MKRN2OS: variants seen among roughly 807,000 people sequenced by gnomAD.
MKRN2OS encodes the protein MKRN2 opposite strand protein.
A neutral mutation model predicts 18.2 loss-of-function variants in MKRN2OS; 17 were observed. The ratio of observed to expected loss-of-function variants is 0.93; its 90% CI spans 0.64 to 1.40. The LOEUF is 1.40. Ranked by LOEUF, MKRN2OS falls within the 40% of genes most tolerant of loss-of-function variation. MKRN2OS has a pLI of 0.00. For missense variants in MKRN2OS, 337 were observed against 283.0 expected (o/e 1.19, Z -1.37); for synonymous variants, 121 against 108.5 (o/e 1.12, Z -0.72).
chr3:12,545,697 A>G, upstream of MKRN2OS: 1 of 371,878 alleles, frequency 2.7e-6, no homozygotes, highest in Admixed American at 4.6e-5. Flanking sequence ...GTAACTGATA[A>G]CTGCCAGCTC....
upstream of MKRN2OS, among the ~76,000 whole-genome samples, chr3:12,548,710 T>C (rs571085463): frequency 2.4e-4 from 37 of 152,286 alleles, no homozygotes; most frequent in Non-Finnish European, 5.3e-4. Context: ...ATTGAGAATA[T>C]AATCTTTCTG....
At chr3:12,545,049 C>G (rs1401924428) in intron 1 of MKRN2OS, among the ~76,000 whole-genome samples, 198 bp downstream of exon 1, 1 of 152,178 alleles carries the variant, frequency 6.6e-6, no homozygotes, top group Non-Finnish European at 1.5e-5. Context: ...TATTCTTGCA[C>G]TTGTCACTGC....
chr3:12,546,139 GA>G (rs536355537), upstream of MKRN2OS, among the ~76,000 whole-genome samples: 283 of 152,282 alleles, frequency 1.9e-3, 2 homozygotes, highest in African/African-American at 6.5e-3. Context: ...GTTAGTCTGT[GA>G]GCTTCTTGAA....
At chr3:12,549,654 C>T (rs1416666871), upstream of MKRN2OS, among the ~76,000 whole-genome samples, 2 of 152,136 alleles carry the variant, frequency 1.3e-5, no homozygotes, top group African/African-American at 4.8e-5. Context: ...CTCAAGGGAT[C>T]CTCCCACTTC....
At chr3:12,555,502 A>G (rs2057961605) in intron 1 of MKRN2OS, among the ~76,000 whole-genome samples, 2 of 152,296 alleles carry the variant, frequency 1.3e-5, no homozygotes, top group Admixed American at 1.3e-4. Context: ...TGGAAGACTC[A>G]ATATTTTTAT....
chr3:12,549,040 T>A (rs2057909154), upstream of MKRN2OS, among the ~76,000 whole-genome samples: 1 of 152,120 alleles, frequency 6.6e-6, no homozygotes, highest in Non-Finnish European at 1.5e-5. Context: ...GTTGAAGCGA[T>A]CCCTTTGCCT....
chr3:12,546,167 T>C (rs2057880908), upstream of MKRN2OS, among the ~76,000 whole-genome samples: 2 of 152,198 alleles, frequency 1.3e-5, 1 homozygote, highest in South Asian at 4.1e-4. Flanking sequence ...GACCTTTACT[T>C]TTGTGTTCCC....
chr3:12,549,622 A>G (rs1446212134), upstream of MKRN2OS, among the ~76,000 whole-genome samples: 1 of 152,178 alleles, frequency 6.6e-6, no homozygotes, highest in Non-Finnish European at 1.5e-5. Flanking sequence ...ATCAGTGCTC[A>G]TTGCAGCCTC....
At chr3:12,556,963 C>A in intron 1 of MKRN2OS, 1 of 527,108 alleles carries the variant, frequency 1.9e-6, no homozygotes, top group Non-Finnish European at 2.9e-6. Flanking sequence ...ATCCCCGGTG[C>A]GGAACCAATT....
At chr3:12,557,032 TGCGCCGGC>T in intron 1 of MKRN2OS, 7 of 1,115,978 alleles carry the variant, frequency 6.3e-6, no homozygotes, top group East Asian at 3.3e-5. Flanking sequence ...AGGGGCGGCG[TGCGCCGGC>T]GTGCGCCGGC....
At chr3:12,542,289 C>T (rs938315282) in intron 2 of MKRN2OS, among the ~76,000 whole-genome samples, 1 of 152,106 alleles carries the variant, frequency 6.6e-6, no homozygotes, top group African/African-American at 2.4e-5. Context: ...TGTGAAGTTG[C>T]CCCCAGGAAA....
At position 12,543,174 on chromosome 3, in the gene MKRN2OS, A is replaced by C. The variant is rs1234655059; in HGVS notation, c.268+6T>G. 4.6e-6 allele frequency: 7 copies of C among 1,535,248 alleles called. No homozygotes were observed. The highest frequency in any genetic ancestry group is 6.1e-6 in the Non-Finnish European group (7 of 1,146,250). ...GGGGTTTTTTAAGCTACAAAACTGC[A>C]CTTACCATTTGTGTTAGTTATTCCA... On this transcript the variant is annotated splice_donor_region_variant and intron_variant, in intron 2 of 3. Transcript: ENST00000564146.
chr3:12,540,534 G>A (rs2057783122), intron 3 of MKRN2OS, 101 bp from the exon 4 acceptor site: 3 of 1,376,102 alleles, frequency 2.2e-6, no homozygotes, highest in South Asian at 2.6e-5. Context: ...GCCTCAGCAA[G>A]CAAGGCCCCT....
chr3:12,557,194 A>T, intron 1 of MKRN2OS: 1 of 1,534,462 alleles, frequency 6.5e-7, no homozygotes, highest in East Asian at 2.5e-5. Flanking sequence ...CGCTGGAGCC[A>T]GGAGCTTCGG....
chr3:12,543,454 G>A (rs2057843402), intron 1 of MKRN2OS, among the ~76,000 whole-genome samples: 1 of 152,040 alleles, frequency 6.6e-6, no homozygotes, highest in Non-Finnish European at 1.5e-5. Flanking sequence ...AGGTGTGTTA[G>A]TGTGCATCTG....
chr3:12,558,909 AG>A (rs1231217817), intron 1 of MKRN2OS, among the ~76,000 whole-genome samples: 7 of 152,226 alleles, frequency 4.6e-5, no homozygotes, highest in Non-Finnish European at 1.0e-4. Flanking sequence ...GCTCTTCCAC[AG>A]ATCGTAAAAC....
intron 1 of MKRN2OS, chr3:12,557,219 CCGCAGGG>C (rs2057983090): frequency 2.0e-6 from 3 of 1,526,420 alleles, no homozygotes; most frequent in Admixed American, 4.0e-5. Flanking sequence ...CTCCCCCAGG[CCGCAGGG>C]GGGCCGGTGC....
At chr3:12,548,427 G>A (rs9862043), upstream of MKRN2OS, among the ~76,000 whole-genome samples, 83,278 of 137,148 alleles carry the variant, frequency 0.61, 26,278 homozygotes, top group African/African-American at 0.85. Context: ...CAGCCTGGGC[G>A]ACAGAGCGAG....
chr3:12,557,296 T>C (rs1469212097), intron 1 of MKRN2OS: 52 of 1,330,612 alleles, frequency 3.9e-5, no homozygotes, highest in East Asian at 6.1e-5. Context: ...GTTACTCGGC[T>C]GTTCGCGGCG....
Sources: gnomAD v4.1 joint callset for allele counts (sites outside exome capture counted in the v4.1 genomes callset) on GRCh38, gnomAD v4.1.1 for gene constraint, MANE v1.5 for transcripts, NCBI Gene and HGNC (gene_info 2026-07-23, HGNC 2026-07-21) for gene names.